Variants in CPN2 observed in about 807,000 individuals in gnomAD.
CPN2 encodes carboxypeptidase N subunit 2.
For synonymous variants in CPN2, 336 were observed against 318.4 expected, an observed-to-expected ratio of 1.06 and a Z score of -0.59; for missense variants, 620 against 671.4, an observed-to-expected ratio of 0.92 and a Z score of 0.85.
intron 1 of CPN2, among the ~76,000 whole-genome samples, chr3:194,346,443 G>A (rs1462510729): frequency 3.9e-5 from 6 of 152,210 alleles, no homozygotes; most frequent in Non-Finnish European, 7.3e-5. Flanking sequence ...CAGGGAGCAG[G>A]GAGGCAGGGA....
intron 1 of CPN2, among the ~76,000 whole-genome samples, chr3:194,343,758 G>A (rs889246162): frequency 2.0e-5 from 3 of 152,140 alleles, no homozygotes; most frequent in Non-Finnish European, 4.4e-5. Context: ...ACCACATAAG[G>A]GTAATTGTTA....
rs991275922 is a variant in CPN2, at chr3:194,340,137, G to C, written c.*928C>G. 1.3e-5 allele frequency: 2 copies of C among 152,200 alleles called. No individual in the cohort carries two copies. The highest frequency in any genetic ancestry group is 2.9e-5 in the Non-Finnish European group (2 of 68,052). The allele number at this position is 152,200 out of a possible 1,614,324, so 9.4% of individuals were successfully genotyped here. The stretch of plus-strand genomic sequence containing the variant: ...GGGGAAGCTCTCAGCAGACTTCAGA[G>C]AGAGAGAGAGCAGGTTGTAAACTGT... On this transcript the variant is annotated 3_prime_UTR_variant, in exon 2 of 2. Coordinates refer to ENST00000323830, the MANE Select transcript of CPN2 (RefSeq NM_001080513.4).
At chr3:194,345,232 C>CA (rs1491148426) in intron 1 of CPN2, among the ~76,000 whole-genome samples, 45,771 of 152,010 alleles carry the variant, frequency 0.3, 7,319 homozygotes, top group African/African-American at 0.39. Context: ...GCAGAGCCAC[C>CA]CCCCTGGGAT....
rs769455278 is a variant in CPN2, at chr3:194,342,204, G to A, written c.499C>T (p.Pro167Ser). The A allele has an allele frequency of 4.3e-6, 7 of 1,613,956 alleles. No homozygotes were observed. The East Asian group carries it at 1.6e-4, about 36-fold the overall frequency. Reference sequence around the variant, plus strand: ...TTGAGTGTCTTCAGATGGGTCAGAGGCTGGAAGAGCCTCCTGGGCAGGGCC... The same window carrying A: ...TTGAGTGTCTTCAGATGGGTCAGAGACTGGAAGAGCCTCCTGGGCAGGGCC... ...LQALPRRLFQ[P>S]LTHLKTLNLA... is the part of the protein sequence containing the mutation. Residue 167 changes from proline to serine, a missense_variant, in exon 2 of 2, where the codon CCT (proline) becomes TCT (serine). Pro to Ser is a moderately conservative substitution (Grantham distance 74). Coordinates refer to ENST00000323830, the MANE Select transcript of CPN2 (RefSeq NM_001080513.4).
In CPN2 at chr3:194,341,255, T is replaced by C. The variant is rs574415043; in HGVS notation, c.1448A>G (p.Tyr483Cys). The C allele has an allele frequency of 2.5e-6, 4 of 1,613,416 alleles. No individual in the cohort carries two copies. The African/African-American group carries it at 5.3e-5, about 21-fold the overall frequency. ...CACCACGGTGCCCTCGGGGTTGCTGTAGGTGCACTGGCTCCGGGCTGCCCT... is the reference window on the plus strand; with the variant it reads ...CACCACGGTGCCCTCGGGGTTGCTGCAGGTGCACTGGCTCCGGGCTGCCCT... ...QERAARSQCT[Y>C]SNPEGTVVLA... The change falls in exon 2 of 2, where the codon TAC becomes TGC. Residue 483 changes from tyrosine to cysteine, a missense_variant. Transcript: ENST00000323830.
At position 194,340,777 on chromosome 3, in the gene CPN2, G is replaced by A; in HGVS notation, c.*288C>T. Reference sequence around the variant, plus strand: ...TGTTACATAATGGGGAGGCATCAGGGCTGAGGATATTTTATTCTCCAGGCT... The same window carrying A: ...TGTTACATAATGGGGAGGCATCAGGACTGAGGATATTTTATTCTCCAGGCT... On this transcript the variant is annotated 3_prime_UTR_variant, in exon 2 of 2. Transcript: ENST00000323830. 1 of 414,698 alleles carries A rather than the reference G, an allele frequency of 2.4e-6. No homozygotes were observed. The highest frequency in any genetic ancestry group is 4.3e-6 in the Non-Finnish European group (1 of 231,680). 25.7% of individuals were successfully genotyped at this position (414,698 alleles called of 1,614,324 possible). A position where few individuals can be genotyped will look rare whatever the true frequency, so the allele number is the denominator to read the frequency against.
chr3:194,347,218 T>C (rs1307171157), intron 1 of CPN2, among the ~76,000 whole-genome samples: 3 of 151,326 alleles, frequency 2.0e-5, no homozygotes, highest in Non-Finnish European at 2.9e-5. Context: ...TTTTGAGGGA[T>C]AGGGAAGGTT....
Position 194,340,784 on chromosome 3 carries a change from A to C in CPN2, c.*281T>G, listed in dbSNP as rs924594084. ...TAATGGGGAGGCATCAGGGCTGAGG[A>C]TATTTTATTCTCCAGGCTGTGGTGC... On this transcript the variant is annotated 3_prime_UTR_variant, in exon 2 of 2. Transcript: ENST00000323830. 25 of 426,854 alleles carry C rather than the reference A, an allele frequency of 5.9e-5. No individual in the cohort carries two copies. The highest frequency in any genetic ancestry group is 6.0e-4 in the Middle Eastern group (1 of 1,680). 26.4% of individuals were successfully genotyped at this position (426,854 alleles called of 1,614,324 possible).
chr3:194,341,123 G>A lies in CPN2; in HGVS notation c.1580C>T (p.Ser527Leu), dbSNP rs1051474227. 4 of 1,612,312 alleles carry A rather than the reference G, an allele frequency of 2.5e-6. No homozygotes were observed. Among genetic ancestry groups the A allele is most frequent in the East Asian group, 2.2e-5 (1 of 44,830 alleles). The change falls in exon 2 of 2, where the codon TCG (serine) becomes TTG (leucine). Residue 527 changes from serine to leucine, a missense_variant. Physicochemically the swap from Ser to Leu is moderately radical, Grantham distance 145. Coordinates refer to ENST00000323830, the MANE Select transcript of CPN2 (RefSeq NM_001080513.4). ...YNASQEWDLR[S>L]SCGSLRLTVS... ...GGTGAGCCGCAGAGAACCGCAGCTC[G>A]ACCTCAGGTCCCACTCCTGACTAGC...
rs1380930772 is a variant in CPN2 at position 194,341,753 on chromosome 3, G to A, written c.950C>T (p.Ser317Phe). ...AATGGCATTGTATGAGAGCATGAGGGAACGCAGGTTGGACAGGTGGGCAAA... is the reference window on the plus strand; with the variant it reads ...AATGGCATTGTATGAGAGCATGAGGAAACGCAGGTTGGACAGGTGGGCAAA... ...GTFAHLSNLR[S>F]LMLSYNAITH... Residue 317 changes from serine to phenylalanine, a missense_variant, in exon 2 of 2, where the codon TCC becomes TTC. Transcript: ENST00000323830. The A allele has an allele frequency of 3.7e-6, 6 of 1,614,122 alleles. No homozygotes were observed. The highest frequency in any genetic ancestry group is 5.1e-6 in the Non-Finnish European group (6 of 1,180,014).
Position 194,342,663 on chromosome 3 carries a change from G to A in CPN2, c.40C>T (p.Leu14Phe), listed in dbSNP as rs1255787188. Reference protein sequence around the residue: ...GAWLLWTSLLLLARPAQPCPM... With the variant: ...GAWLLWTSLLFLARPAQPCPM... Reference sequence around the variant, plus strand: ...CAGGGCTGGGCAGGCCTGGCCAGGAGCAGGAGGGAGGTCCAGAGCAGCCAG... The same window carrying A: ...CAGGGCTGGGCAGGCCTGGCCAGGAACAGGAGGGAGGTCCAGAGCAGCCAG... The change falls in exon 2 of 2, where the codon CTC becomes TTC. Residue 14 changes from leucine (L) to phenylalanine (F), a missense_variant. Leu to Phe is a conservative substitution (Grantham distance 22, BLOSUM62 0). Transcript: ENST00000323830. 3.1e-6 allele frequency: 5 copies of A among 1,591,400 alleles called. No homozygotes were observed. In the African/African-American group the frequency reaches 4.0e-5, roughly 13 times the overall value.
rs1254390481 is a variant in CPN2, at chr3:194,341,769, G to C, written c.934C>G (p.Leu312Val). The part of the protein sequence containing the change: ...ETVAEGTFAH[L>V]SNLRSLMLSY... ...AGCATGAGGGAACGCAGGTTGGACA[G>C]GTGGGCAAAGGTGCCCTCAGCGACA... Residue 312 changes from leucine (L) to valine (V), a missense_variant, in exon 2 of 2, where the codon CTG becomes GTG. Leu to Val is a conservative substitution (Grantham distance 32, BLOSUM62 1). Transcript: ENST00000323830. 1 of 1,614,036 alleles carries C rather than the reference G, an allele frequency of 6.2e-7. No individual in the cohort carries two copies.
chr3:194,346,855 C>A (rs1030928279), intron 1 of CPN2, among the ~76,000 whole-genome samples: 2 of 152,202 alleles, frequency 1.3e-5, no homozygotes, highest in East Asian at 3.9e-4. Context: ...CATCCAACCA[C>A]CCCACTGTGA....
At chr3:194,345,113 CTT>C (rs1026487038) in intron 1 of CPN2, among the ~76,000 whole-genome samples, 1 of 152,210 alleles carries the variant, frequency 6.6e-6, no homozygotes, top group Non-Finnish European at 1.5e-5. Context: ...TCATGGCAGT[CTT>C]TTCTGTGTAC....
At chr3:194,347,795 T>C (rs377028467) in intron 1 of CPN2, among the ~76,000 whole-genome samples, 2 of 34,396 alleles carry the variant, frequency 5.8e-5, no homozygotes, top group Admixed American at 3.2e-4. Context: ...GCCCACCCCA[T>C]CCGCTGCCCA....
intron 1 of CPN2, among the ~76,000 whole-genome samples, chr3:194,346,901 C>T (rs572680063): frequency 3.9e-5 from 6 of 152,242 alleles, no homozygotes; most frequent in Non-Finnish European, 8.8e-5. Context: ...CTCCTTCTAG[C>T]TCTTTCCTCC....
chr3:194,339,893 G>A lies in CPN2; in HGVS notation c.*1172C>T, dbSNP rs1387960305. ...ACAGCTTGGTTTTATACATTTTAGG[G>A]AGGAATGAGGCATCAATCAAATACA... On this transcript the variant is annotated 3_prime_UTR_variant, in exon 2 of 2. Transcript: ENST00000323830. The A allele has an allele frequency of 6.6e-6, 1 of 152,222 alleles. No homozygotes were observed. Among genetic ancestry groups the A allele is most frequent in the Non-Finnish European group, 1.5e-5 (1 of 68,048 alleles). The allele number at this position is 152,222 out of a possible 1,614,324, so 9.4% of individuals were successfully genotyped here.
At position 194,341,586 on chromosome 3, in the gene CPN2, G is replaced by A; in HGVS notation, c.1117C>T (p.Leu373=). 1 of 1,614,202 alleles carries A rather than the reference G, an allele frequency of 6.2e-7. No individual in the cohort carries two copies. Among genetic ancestry groups the A allele is most frequent in the South Asian group, 1.1e-5 (1 of 91,088 alleles). Reference sequence around the variant, plus strand: ...AAGATGCCCTCCGGAAGTGTGGTCAGCTGGTTCTTGGAGAGGCTGAGCAGC... The same window carrying A: ...AAGATGCCCTCCGGAAGTGTGGTCAACTGGTTCTTGGAGAGGCTGAGCAGC... ...LELLSLSKNQ[L]TTLPEGIFDT... Residue 373 remains leucine, a synonymous_variant, in exon 2 of 2, where the codon CTG becomes TTG. Coordinates refer to ENST00000323830, the MANE Select transcript of CPN2 (RefSeq NM_001080513.4).
At position 194,341,444 on chromosome 3, in the gene CPN2, A is replaced by C. The variant is rs1712815329; in HGVS notation, c.1259T>G (p.Ile420Ser). ...LQQYTDRLLN[I>S]QTYCAGPAYL... ...GGCAGGGCCAGCGCAGTAGGTCTGG[A>C]TGTTCAGGAGCCGATCGGTGTACTG... Residue 420 changes from isoleucine (I) to serine (S), a missense_variant, in exon 2 of 2, where the codon ATC (isoleucine) becomes AGC (serine). Physicochemically the swap from Ile to Ser is moderately radical, Grantham distance 142. Transcript: ENST00000323830. 2 of 1,614,038 alleles carry C rather than the reference A, an allele frequency of 1.2e-6. No homozygotes were observed. Among genetic ancestry groups the C allele is most frequent in the Non-Finnish European group, 1.7e-6 (2 of 1,180,046 alleles).
Sources: gnomAD v4.1 joint callset for allele counts (sites outside exome capture counted in the v4.1 genomes callset) on GRCh38, gnomAD v4.1.1 for gene constraint, MANE v1.5 for transcripts, NCBI Gene and HGNC (gene_info 2026-07-23, HGNC 2026-07-21) for gene names.